PLEKHA5: variants seen among roughly 807,000 people sequenced by gnomAD.
PLEKHA5 encodes pleckstrin homology domain-containing family A member 5.
A neutral mutation model predicts 181.9 loss-of-function variants in PLEKHA5; 55 were observed. The ratio of observed to expected loss-of-function variants is 0.30; its 90% CI spans 0.24 to 0.38. PLEKHA5 has a LOEUF of 0.38. PLEKHA5 is among the 10% of genes least tolerant of loss of function. PLEKHA5 has a pLI of 1.00. For missense variants in PLEKHA5, 1,432 were observed against 1,549.5 expected (o/e 0.92, Z 1.27); for synonymous variants, 535 against 529.4 (o/e 1.01, Z -0.15).
At chr12:19,333,173 T>C (rs1222646934) in intron 20 of PLEKHA5, among the ~76,000 whole-genome samples, 1 of 152,026 alleles carries the variant, frequency 6.6e-6, no homozygotes, top group Non-Finnish European at 1.5e-5. Context: ...TAATCCCAAC[T>C]ACTCGGGAGC....
At chr12:19,302,200 C>T (rs1355542033) in intron 15 of PLEKHA5, among the ~76,000 whole-genome samples, 1 of 152,080 alleles carries the variant, frequency 6.6e-6, no homozygotes, top group Admixed American at 6.6e-5. Context: ...GGAAAAAGTC[C>T]CTTTTTCTCT....
chr12:19,357,085 T>A (rs1309873104), intron 26 of PLEKHA5, among the ~76,000 whole-genome samples: 1 of 152,106 alleles, frequency 6.6e-6, no homozygotes, highest in Admixed American at 6.6e-5. Context: ...CTTAAAACAT[T>A]ACGTTTTCAT....
At chr12:19,348,797 G>A (rs1213099378) in intron 25 of PLEKHA5, among the ~76,000 whole-genome samples, 1 of 151,820 alleles carries the variant, frequency 6.6e-6, no homozygotes, top group East Asian at 1.9e-4. Flanking sequence ...ATAAATAAAT[G>A]CTAAAAATAA....
chr12:19,236,749 TTTACTC>T (rs2061465897), intron 3 of PLEKHA5, among the ~76,000 whole-genome samples: 1 of 152,204 alleles, frequency 6.6e-6, no homozygotes. Flanking sequence ...GAAATCATAT[TTTACTC>T]TTATGGCTGG....
At chr12:19,310,986 G>T (rs980763669) in intron 15 of PLEKHA5, among the ~76,000 whole-genome samples, 14 of 152,172 alleles carry the variant, frequency 9.2e-5, no homozygotes, top group African/African-American at 3.4e-4. Context: ...GATCAGGGTG[G>T]TGGTTGCTGA....
chr12:19,237,733 TCTG>T (rs1453560313), intron 3 of PLEKHA5, among the ~76,000 whole-genome samples: 2 of 152,030 alleles, frequency 1.3e-5, no homozygotes, highest in Admixed American at 6.6e-5. Context: ...AATTAAGAGT[TCTG>T]CTATTAATTG....
chr12:19,141,253 A>T (rs2037204483), intron 3 of PLEKHA5, among the ~76,000 whole-genome samples: 1 of 152,164 alleles, frequency 6.6e-6, no homozygotes, highest in Admixed American at 6.5e-5. Context: ...TTTTTAACCT[A>T]AAATGTAAGT....
intron 25 of PLEKHA5, among the ~76,000 whole-genome samples, chr12:19,352,126 G>A (rs956134149): frequency 2.0e-5 from 3 of 149,512 alleles, no homozygotes; most frequent in Non-Finnish European, 4.4e-5. Flanking sequence ...GCACGCGCTT[G>A]TAATCCCAGC....
At position 19,290,784 on chromosome 12, in the gene PLEKHA5, C is replaced by A; in HGVS notation, c.1971C>A (p.Ala657=). 1 of 1,534,226 alleles carries A rather than the reference C, an allele frequency of 6.5e-7. No individual in the cohort carries two copies. The highest frequency in any genetic ancestry group is 8.7e-7 in the Non-Finnish European group (1 of 1,145,268). ...LAQLMQLKLE[A]HSPKNEILSH... ...AGCTCATGCAGCTAAAGCTTGAGGC[C>A]CACAGCCCAAAGGTCAGCTATGGAG... The change falls in exon 14 of 32, where the codon GCC becomes GCA. Residue 657 remains alanine, a synonymous_variant. Coordinates refer to ENST00000429027, the MANE Select transcript of PLEKHA5 (RefSeq NM_001256470.2).
At chr12:19,327,014 C>G (rs74638123) in intron 20 of PLEKHA5, among the ~76,000 whole-genome samples, 3 of 152,146 alleles carry the variant, frequency 2.0e-5, no homozygotes, top group Non-Finnish European at 2.9e-5. Context: ...GTAAATAGTT[C>G]TGTGGTGAAC....
chr12:19,268,731 C>T (rs558187603), intron 8 of PLEKHA5, among the ~76,000 whole-genome samples: 3 of 152,206 alleles, frequency 2.0e-5, no homozygotes, highest in African/African-American at 2.4e-5. Flanking sequence ...AGAACTGGAT[C>T]GTCTTGATAC....
At chr12:19,187,103 G>A (rs944183148) in intron 3 of PLEKHA5, among the ~76,000 whole-genome samples, 2 of 152,122 alleles carry the variant, frequency 1.3e-5, no homozygotes, top group Non-Finnish European at 2.9e-5. Flanking sequence ...GCCTTGTCTA[G>A]TAGCATTCTG....
chr12:19,267,748 G>C (rs1185246062), intron 8 of PLEKHA5, among the ~76,000 whole-genome samples: 3 of 151,878 alleles, frequency 2.0e-5, no homozygotes, highest in African/African-American at 7.3e-5. Flanking sequence ...CAGATCACCT[G>C]AGGTCAGGAG....
intron 7 of PLEKHA5, among the ~76,000 whole-genome samples, chr12:19,264,261 G>A (rs1391438413): frequency 2.6e-5 from 4 of 152,078 alleles, no homozygotes; most frequent in African/African-American, 9.7e-5. Flanking sequence ...GGATTTCACA[G>A]CTAGTTAGTG....
At chr12:19,262,748 G>C (rs1401373112) in intron 7 of PLEKHA5, among the ~76,000 whole-genome samples, 1 of 152,078 alleles carries the variant, frequency 6.6e-6, no homozygotes, top group Non-Finnish European at 1.5e-5. Context: ...GAGAGGGGAG[G>C]GCTGAACATA....
intron 20 of PLEKHA5, among the ~76,000 whole-genome samples, chr12:19,332,709 G>T (rs1469035742): frequency 6.6e-6 from 1 of 152,170 alleles, no homozygotes; most frequent in Non-Finnish European, 1.5e-5. Flanking sequence ...TCTTACACAG[G>T]CTGGAGTACA....
intron 3 of PLEKHA5, among the ~76,000 whole-genome samples, chr12:19,180,919 A>G (rs1394472663): frequency 6.6e-6 from 1 of 151,858 alleles, no homozygotes; most frequent in African/African-American, 2.4e-5. Flanking sequence ...CAAGTCAGAC[A>G]CCTCTGGTGT....
chr12:19,283,814 A>G, intron 12 of PLEKHA5, 69 bp downstream of exon 12: 1 of 945,714 alleles, frequency 1.1e-6, no homozygotes. Flanking sequence ...CTAGTATACT[A>G]TTTTAAATGT....
chr12:19,300,153 A>T (rs958591147), intron 15 of PLEKHA5, among the ~76,000 whole-genome samples: 5 of 152,244 alleles, frequency 3.3e-5, no homozygotes, highest in Non-Finnish European at 7.3e-5. Context: ...CTTTATCCCC[A>T]TTAAATCAGA....
Sources: gnomAD v4.1 joint callset for allele counts (sites outside exome capture counted in the v4.1 genomes callset) on GRCh38, gnomAD v4.1.1 for gene constraint, MANE v1.5 for transcripts, NCBI Gene and HGNC (gene_info 2026-07-23, HGNC 2026-07-21) for gene names.